The following PDE4B variants were observed in gnomAD, a reference collection of about 807,000 sequenced individuals.
PDE4B encodes 3',5'-cyclic-AMP phosphodiesterase 4B.
PDE4B carries 20 observed loss-of-function variants against 82.2 expected under a neutral mutation model. That is an observed-to-expected ratio of 0.24 (90% confidence interval 0.17 to 0.35). The LOEUF (loss-of-function observed/expected upper bound fraction) is 0.35, where lower values mean the gene tolerates loss of function less well. Among genes scored for constraint, PDE4B ranks in the 10% least tolerant of loss-of-function variants. PDE4B has a pLI of 1.00. For synonymous variants in PDE4B, 320 were observed against 318.9 expected, an observed-to-expected ratio of 1.00 and a Z score of -0.04; for missense variants, 655 against 907.2, an observed-to-expected ratio of 0.72 and a Z score of 3.57.
At chr1:65,908,211 A>C (rs993930490) in intron 1 of PDE4B, among the ~76,000 whole-genome samples, 1 of 152,196 alleles carries the variant, frequency 6.6e-6, no homozygotes, top group Non-Finnish European at 1.5e-5. Flanking sequence ...TCCTGGAAGA[A>C]TAAAGAGGGT....
chr1:66,036,628 T>C (rs1654077403), intron 3 of PDE4B, among the ~76,000 whole-genome samples: 1 of 152,164 alleles, frequency 6.6e-6, no homozygotes, highest in Non-Finnish European at 1.5e-5. Context: ...CAATTGACTA[T>C]TGATGTGTGG....
At chr1:65,809,078 C>A (rs907383733) in intron 1 of PDE4B, among the ~76,000 whole-genome samples, 9 of 152,032 alleles carry the variant, frequency 5.9e-5, no homozygotes, top group Non-Finnish European at 4.4e-5. Context: ...TGCCTGTAAT[C>A]CCAGCACTTT....
intron 1 of PDE4B, among the ~76,000 whole-genome samples, chr1:65,816,637 C>T (rs1025239936): frequency 7.9e-5 from 12 of 151,894 alleles, no homozygotes; most frequent in Non-Finnish European, 1.5e-5. Context: ...TTATAATGGA[C>T]AAAGAAAGCA....
At chr1:65,829,897 G>A (rs1052783034) in intron 1 of PDE4B, among the ~76,000 whole-genome samples, 3 of 152,130 alleles carry the variant, frequency 2.0e-5, no homozygotes, top group African/African-American at 7.2e-5. Flanking sequence ...AATAATTATA[G>A]CTAAATGTGT....
intron 3 of PDE4B, among the ~76,000 whole-genome samples, chr1:66,116,073 T>G (rs1457005532): frequency 6.6e-6 from 1 of 152,232 alleles, no homozygotes; most frequent in Non-Finnish European, 1.5e-5. Context: ...GACAGAAACC[T>G]TAGAGGGTTA....
At chr1:65,911,369 A>C (rs548867643) in intron 1 of PDE4B, among the ~76,000 whole-genome samples, 1 of 152,156 alleles carries the variant, frequency 6.6e-6, no homozygotes, top group Non-Finnish European at 1.5e-5. Context: ...CATTATTATC[A>C]TTCTTCCATT....
intron 7 of PDE4B, among the ~76,000 whole-genome samples, chr1:66,314,229 C>T (rs571743455): frequency 1.3e-5 from 2 of 152,278 alleles, no homozygotes; most frequent in South Asian, 2.1e-4. Context: ...GTTCCCAACT[C>T]TAGCTACTTC....
chr1:66,112,128 G>A (rs1054506029), intron 3 of PDE4B, among the ~76,000 whole-genome samples: 2 of 151,952 alleles, frequency 1.3e-5, no homozygotes, highest in Non-Finnish European at 2.9e-5. Flanking sequence ...GTGCTGGGAG[G>A]ATTATAAAAA....
chr1:66,363,017 C>T (rs915917842), intron 10 of PDE4B, 151 bp from the exon 11 acceptor site: 1 of 575,218 alleles, frequency 1.7e-6, no homozygotes, highest in African/African-American at 1.9e-5. Flanking sequence ...CCTCCTAGGT[C>T]ATTTAACTTT....
At chr1:65,937,537 C>A (rs1375257162) in intron 3 of PDE4B, among the ~76,000 whole-genome samples, 1 of 152,208 alleles carries the variant, frequency 6.6e-6, no homozygotes, top group Non-Finnish European at 1.5e-5. Context: ...AAAGCTGGTG[C>A]ATGGATGGGA....
chr1:65,817,046 T>A (rs961035492), intron 1 of PDE4B, among the ~76,000 whole-genome samples: 1 of 152,138 alleles, frequency 6.6e-6, no homozygotes, highest in Non-Finnish European at 1.5e-5. Context: ...ACAATGTTTG[T>A]GAGGAGTGGG....
chr1:66,105,507 T>C (rs1309291415), intron 3 of PDE4B, among the ~76,000 whole-genome samples: 1 of 152,182 alleles, frequency 6.6e-6, no homozygotes, highest in East Asian at 1.9e-4. Flanking sequence ...GGGGATGGCA[T>C]TGAATCTATA....
At chr1:66,013,254 T>C (rs1204873579) in intron 3 of PDE4B, among the ~76,000 whole-genome samples, 1 of 152,094 alleles carries the variant, frequency 6.6e-6, no homozygotes, top group Non-Finnish European at 1.5e-5. Context: ...GATAACTGAT[T>C]TTGCCATCAT....
chr1:66,144,708 A>G (rs911868963), intron 3 of PDE4B, among the ~76,000 whole-genome samples: 4 of 152,208 alleles, frequency 2.6e-5, no homozygotes, highest in African/African-American at 9.7e-5. Context: ...GGTCCCAAAC[A>G]TTTTTGGAGG....
intron 1 of PDE4B, among the ~76,000 whole-genome samples, chr1:65,868,354 C>A (rs887074413): frequency 1.3e-5 from 2 of 152,122 alleles, no homozygotes; most frequent in Admixed American, 1.3e-4. Flanking sequence ...TAGTAAAGTA[C>A]AAGAAAGCGC....
rs140296060 is a variant in PDE4B, at chr1:66,198,856, C to T, written c.282-48604C>T. The stretch of plus-strand genomic sequence containing the variant: ...ATTCCCACCTATGAGTGAGAACATG[C>T]GGTGTTTGGTTTTTTGTCCTTGTGA... On this transcript the variant is annotated intron_variant, in intron 3 of 16. Coordinates refer to ENST00000341517, the MANE Select transcript of PDE4B (RefSeq NM_002600.4). Among the ~76,000 whole-genome samples, 990 of 151,088 alleles carry T rather than the reference C, an allele frequency of 6.6e-3. 12 individuals carry two copies. The highest frequency in any genetic ancestry group is 0.022 in the African/African-American group (901 of 41,044).
intron 3 of PDE4B, among the ~76,000 whole-genome samples, chr1:65,978,720 A>G (rs1650537972): frequency 6.6e-6 from 1 of 152,224 alleles, no homozygotes; most frequent in African/African-American, 2.4e-5. Context: ...GTTTTTGGAC[A>G]GTATAAATGA....
At chr1:65,991,200 C>A (rs1034227470) in intron 3 of PDE4B, among the ~76,000 whole-genome samples, 2 of 151,940 alleles carry the variant, frequency 1.3e-5, no homozygotes, top group African/African-American at 4.8e-5. Context: ...GCCTCATCCT[C>A]CTGAGTAGCT....
chr1:65,985,684 T>C (rs1650919144), intron 3 of PDE4B, among the ~76,000 whole-genome samples: 1 of 152,176 alleles, frequency 6.6e-6, no homozygotes. Flanking sequence ...CATTTAGGTA[T>C]CTGACTCATC....
Sources: allele counts gnomAD v4.1 joint callset (sites outside exome capture counted in the v4.1 genomes callset), GRCh38; gene constraint gnomAD v4.1.1; transcripts MANE v1.5; gene names NCBI Gene and HGNC (gene_info 2026-07-23, HGNC 2026-07-21).